PCYT1A: variants seen among roughly 807,000 people sequenced by gnomAD.
PCYT1A encodes choline-phosphate cytidylyltransferase A.
PCYT1A carries 25 observed loss-of-function variants against 43.7 expected under a neutral mutation model. That is an observed-to-expected ratio of 0.57 (90% CI 0.42 to 0.80). The LOEUF is 0.80. PCYT1A is among the 30% of genes least tolerant of loss of function. PCYT1A has a pLI of 0.00. For missense variants in PCYT1A, 421 were observed against 474.2 expected (o/e 0.89, Z 1.04); for synonymous variants, 172 against 170.7 (o/e 1.01, Z -0.06).
intron 5 of PCYT1A, among the ~76,000 whole-genome samples, chr3:196,243,737 T>G (rs111358609): frequency 6.6e-6 from 1 of 152,264 alleles, no homozygotes; most frequent in Non-Finnish European, 1.5e-5. Flanking sequence ...GGTTTTGCTG[T>G]GTTGGCCGGG....
chr3:196,244,423 G>T (rs547398792), intron 5 of PCYT1A, among the ~76,000 whole-genome samples: 1 of 148,622 alleles, frequency 6.7e-6, no homozygotes. Context: ...CCGCCGCCCC[G>T]TTTGGGATGT....
chr3:196,276,678 A>G (rs1725600428), intron 1 of PCYT1A, among the ~76,000 whole-genome samples: 1 of 152,212 alleles, frequency 6.6e-6, no homozygotes, highest in South Asian at 2.1e-4. Context: ...TGGAAAACAC[A>G]CACAGAGCTC....
rs772948955 is a variant in PCYT1A, at chr3:196,270,425, C to A, written c.107G>T (p.Arg36Leu). 3 of 1,610,800 alleles carry A rather than the reference C, an allele frequency of 1.9e-6. No homozygotes were observed. The highest frequency in any genetic ancestry group is 2.5e-6 in the Non-Finnish European group (3 of 1,176,978). Residue 36 changes from arginine to leucine, a missense_variant, in exon 2 of 9, where the codon CGC (arginine) becomes CTC (leucine). Physicochemically the swap from Arg to Leu is moderately radical, Grantham distance 102. Coordinates refer to ENST00000431016, the MANE Select transcript of PCYT1A (RefSeq NM_001312673.2). ...TTAATCTCCACTTACCACTGCACAG[C>A]GCTGCACTTTGGAAGGAACCCCATC... ...EEDGVPSKVQ[R>L]CAVGLRQPAP...
At chr3:196,276,900 C>A (rs1725606978) in intron 1 of PCYT1A, among the ~76,000 whole-genome samples, 1 of 151,908 alleles carries the variant, frequency 6.6e-6, no homozygotes, top group South Asian at 2.1e-4. Context: ...CATGCCACTA[C>A]ACTCCAGCCT....
intron 1 of PCYT1A, among the ~76,000 whole-genome samples, chr3:196,274,973 T>C (rs1380215188): frequency 6.6e-6 from 1 of 152,236 alleles, no homozygotes; most frequent in Non-Finnish European, 1.5e-5. Flanking sequence ...TTGTTCTTAA[T>C]GATTCCTTCA....
At position 196,282,464 on chromosome 3, in the gene PCYT1A, G is replaced by C. The variant is rs536438219; in HGVS notation, c.-11+5151C>G. Among the ~76,000 whole-genome samples the C allele has an allele frequency of 2.0e-5, 3 of 152,290 alleles. No individual in the cohort carries two copies. Among genetic ancestry groups the C allele is most frequent in the Middle Eastern group, 3.4e-3 (1 of 294 alleles). ...GAAGTCTGTGAATTTGGATGAAAAA[G>C]ACTGTATCTTTATTTTCACTTCAGT... On this transcript the variant is annotated intron_variant, in intron 1 of 8. Transcript: ENST00000431016. The surrounding 1 kb of genome is among the most constrained non-coding windows in gnomAD (Gnocchi z 4.3).
intron 1 of PCYT1A, among the ~76,000 whole-genome samples, chr3:196,281,982 C>T (rs1725783435): frequency 1.3e-5 from 2 of 152,230 alleles, no homozygotes; most frequent in African/African-American, 4.8e-5. Context: ...TGAACTATCA[C>T]ACCAGGCTGA....
In PCYT1A at chr3:196,252,392, C is replaced by T. The variant is rs1459804119; in HGVS notation, c.218-4069G>A. Among the ~76,000 whole-genome samples the T allele has an allele frequency of 6.6e-6, 1 of 152,076 alleles. No individual in the cohort carries two copies. The highest frequency in any genetic ancestry group is 6.6e-5 in the Admixed American group (1 of 15,258). On this transcript the variant is annotated intron_variant, in intron 3 of 8. Transcript: ENST00000431016. This position sits in a 1 kb window ranked among gnomAD's most constrained non-coding sequence, Gnocchi z 4.0. ...CCTCCCAAGTCACTGGGATTACAGG[C>T]GAAAGCCACCAAGCCGGGATAATTT...
chr3:196,267,763 C>T (rs1433723994), intron 2 of PCYT1A, among the ~76,000 whole-genome samples: 1 of 151,846 alleles, frequency 6.6e-6, no homozygotes. Context: ...GTGATGGTTG[C>T]ACAACTCTGT....
intron 2 of PCYT1A, among the ~76,000 whole-genome samples, chr3:196,259,961 C>T (rs1318436170): frequency 3.1e-5 from 3 of 96,836 alleles, no homozygotes; most frequent in Non-Finnish European, 1.9e-5. Flanking sequence ...CTTGCTCTGT[C>T]GCCCAGGCTG....
intron 3 of PCYT1A, among the ~76,000 whole-genome samples, chr3:196,249,834 A>G: frequency 6.6e-6 from 1 of 152,104 alleles, no homozygotes; most frequent in Non-Finnish European, 1.5e-5. Context: ...GCTGAGGCTG[A>G]GGACCAGATA....
chr3:196,239,827 TG>T, intron 7 of PCYT1A, 92 bp from the exon 8 acceptor site: 1 of 803,440 alleles, frequency 1.2e-6, no homozygotes, highest in Non-Finnish European at 2.1e-6. Context: ...AGCACTCAAT[TG>T]ACACTGTTTT....
At chr3:196,266,767 C>G (rs1030728741) in intron 2 of PCYT1A, among the ~76,000 whole-genome samples, 12 of 151,914 alleles carry the variant, frequency 7.9e-5, no homozygotes, top group African/African-American at 2.4e-4. Flanking sequence ...GCGGCGCATG[C>G]CTGTAGTCCC....
intron 1 of PCYT1A, among the ~76,000 whole-genome samples, chr3:196,286,724 G>C (rs954688310): frequency 6.6e-6 from 1 of 152,130 alleles, no homozygotes; most frequent in Admixed American, 6.5e-5. Context: ...GACCAGCCTG[G>C]CCAACATGGA....
rs1331486868 is a variant in PCYT1A, at chr3:196,281,100, T to C, written c.-11+6515A>G. Among the ~76,000 whole-genome samples, 8 of 152,228 alleles carry C rather than the reference T, an allele frequency of 5.3e-5. No individual in the cohort carries two copies. The East Asian group carries it at 1.3e-3, about 26-fold the overall frequency. On this transcript the variant is annotated intron_variant, in intron 1 of 8. Coordinates refer to ENST00000431016, the MANE Select transcript of PCYT1A (RefSeq NM_001312673.2). ...ACTAAAACCCAATGCCCAGTATTTT[T>C]CTATCAGCATATCAATGCCCAGTTC...
intron 2 of PCYT1A, among the ~76,000 whole-genome samples, chr3:196,261,473 G>T (rs375126342): frequency 3.9e-5 from 6 of 152,018 alleles, no homozygotes. Flanking sequence ...TGACTAACAC[G>T]GTGAAACCCC....
At position 196,277,236 on chromosome 3, in the gene PCYT1A, A is replaced by AT. The variant is rs1560177921; in HGVS notation, c.-10-6696_-10-6695insA. The stretch of plus-strand genomic sequence containing the variant: ...CAAGAGTGAGACTCCATTTCAAAAA[A>AT]ATATATATATTTTTTTCTTTACCTG... On this transcript the variant is annotated intron_variant, in intron 1 of 8. Transcript: ENST00000431016. This position sits in a 1 kb window ranked among gnomAD's most constrained non-coding sequence, Gnocchi z 4.1. 5.9e-5 allele frequency among the ~76,000 whole-genome samples: 9 copies of AT among 151,614 alleles called. No homozygotes were observed. The highest frequency in any genetic ancestry group is 1.0e-4 in the Non-Finnish European group (7 of 67,926).
intron 3 of PCYT1A, among the ~76,000 whole-genome samples, chr3:196,253,156 GTGAA>G (rs1472740765): frequency 6.6e-6 from 1 of 151,994 alleles, no homozygotes; most frequent in Non-Finnish European, 1.5e-5. Context: ...GGCCAACATG[GTGAA>G]ACCCTGTGTC....
At position 196,242,108 on chromosome 3, in the gene PCYT1A, A is replaced by G. The variant is rs1417120282; in HGVS notation, c.566-18T>C. ...AAACATGCCTAACTCAGAAACACATACAGACAAACACTGTGAGGTTCTGGT... is the reference window on the plus strand; with the variant it reads ...AAACATGCCTAACTCAGAAACACATGCAGACAAACACTGTGAGGTTCTGGT... On this transcript the variant is annotated intron_variant, in intron 6 of 8. Transcript: ENST00000431016. The surrounding 1 kb of genome is among the most constrained non-coding windows in gnomAD (Gnocchi z 4.2). 1.9e-6 allele frequency: 3 copies of G among 1,612,848 alleles called. No individual in the cohort carries two copies. The highest frequency in any genetic ancestry group is 1.7e-4 in the Middle Eastern group (1 of 5,720).
Sources: gnomAD v4.1 joint callset for allele counts (sites outside exome capture counted in the v4.1 genomes callset) on GRCh38, gnomAD v4.1.1 for gene constraint, Gnocchi (gnomAD v3.1) non-coding constraint, MANE v1.5 for transcripts, NCBI Gene and HGNC (gene_info 2026-07-23, HGNC 2026-07-21) for gene names.